Variants in DACH1 observed in about 807,000 individuals in gnomAD.
The protein encoded by DACH1 is dachshund family transcription factor 1, also known as dachshund homolog 1.
Under a neutral mutation model 54.2 loss-of-function variants are expected in DACH1, and 12 were observed. The ratio of observed to expected loss-of-function variants is 0.22; its 90% CI spans 0.14 to 0.36. The LOEUF (loss-of-function observed/expected upper bound fraction) is 0.36. DACH1 is among the 10% of genes least tolerant of loss of function. DACH1 has a pLI of 1.00. For synonymous variants in DACH1, 386 were observed against 366.2 expected (o/e 1.05, Z -0.62); for missense variants, 805 against 929.8 (o/e 0.87, Z 1.75).
At chr13:71,634,932 T>C (rs1877364117) in intron 2 of DACH1, among the ~76,000 whole-genome samples, 1 of 152,238 alleles carries the variant, frequency 6.6e-6, no homozygotes, top group African/African-American at 2.4e-5. Context: ...AAACAGTCTC[T>C]TAAACTCTTT....
chr13:71,716,153 C>T (rs1252559195), intron 1 of DACH1, among the ~76,000 whole-genome samples: 2 of 151,956 alleles, frequency 1.3e-5, no homozygotes, highest in African/African-American at 4.8e-5. Flanking sequence ...AATGTACTTT[C>T]TACTTCTTAG....
At chr13:71,639,685 G>A (rs1243361198) in intron 2 of DACH1, among the ~76,000 whole-genome samples, 3 of 151,916 alleles carry the variant, frequency 2.0e-5, no homozygotes, top group African/African-American at 7.2e-5. Flanking sequence ...CAGAAAGAAG[G>A]AACACCATAG....
chr13:71,859,660 A>G (rs1459745600), intron 1 of DACH1, among the ~76,000 whole-genome samples: 2 of 151,902 alleles, frequency 1.3e-5, no homozygotes, highest in African/African-American at 2.4e-5. Context: ...AATAGGTGTA[A>G]CAAATAAAGT....
chr13:71,563,865 G>C (rs974915530), intron 4 of DACH1, among the ~76,000 whole-genome samples: 2 of 151,572 alleles, frequency 1.3e-5, no homozygotes, highest in African/African-American at 4.8e-5. Flanking sequence ...ATTTATGCAA[G>C]TGTTTATGAT....
At chr13:71,791,500 C>A (rs1225432531) in intron 1 of DACH1, among the ~76,000 whole-genome samples, 4 of 152,128 alleles carry the variant, frequency 2.6e-5, no homozygotes, top group African/African-American at 9.7e-5. Context: ...CCTGTCTCAG[C>A]TTCCCAAGTA....
chr13:71,819,625 T>G (rs1215970982), intron 1 of DACH1, among the ~76,000 whole-genome samples: 1 of 152,158 alleles, frequency 6.6e-6, no homozygotes, highest in African/African-American at 2.4e-5. Context: ...AATAATATAA[T>G]AAGAATGTAC....
chr13:71,855,553 T>G (rs1386170265), intron 1 of DACH1, among the ~76,000 whole-genome samples: 1 of 152,044 alleles, frequency 6.6e-6, no homozygotes, highest in East Asian at 1.9e-4. Context: ...ACCTAAATTC[T>G]TCTTTATTTG....
chr13:71,725,854 G>T (rs1883445601), intron 1 of DACH1, among the ~76,000 whole-genome samples: 1 of 152,092 alleles, frequency 6.6e-6, no homozygotes, highest in African/African-American at 2.4e-5. Context: ...TTAGAAAGCT[G>T]CATGGTTTAT....
intron 2 of DACH1, among the ~76,000 whole-genome samples, chr13:71,657,857 C>G (rs1879233755): frequency 6.6e-6 from 1 of 152,088 alleles, no homozygotes; most frequent in Non-Finnish European, 1.5e-5. Context: ...ATCCTTCCAC[C>G]TTTGCCTCCC....
chr13:71,448,825 T>TG (rs1491125820), intron 10 of DACH1, among the ~76,000 whole-genome samples: 2 of 7,954 alleles, frequency 2.5e-4, no homozygotes, highest in Non-Finnish European at 6.3e-3. Flanking sequence ...GATTCTGTGG[T>TG]TTTTTTTTTT....
chr13:71,786,464 A>G (rs1345187800), intron 1 of DACH1, among the ~76,000 whole-genome samples: 1 of 152,212 alleles, frequency 6.6e-6, no homozygotes, highest in Non-Finnish European at 1.5e-5. Flanking sequence ...TATTTATTGT[A>G]GATCTAATGA....
chr13:71,731,829 G>T (rs1012457583), intron 1 of DACH1, among the ~76,000 whole-genome samples: 1 of 152,168 alleles, frequency 6.6e-6, no homozygotes, highest in Non-Finnish European at 1.5e-5. Flanking sequence ...TTCTTCAGCA[G>T]TTATTTTAAG....
intron 3 of DACH1, among the ~76,000 whole-genome samples, chr13:71,610,601 CA>C (rs1364178039): frequency 6.6e-6 from 1 of 152,058 alleles, no homozygotes; most frequent in African/African-American, 2.4e-5. Flanking sequence ...TAACATAACA[CA>C]AAAACATATC....
rs1380592919 is a variant in DACH1 at position 71,620,692 on chromosome 13, ATTT to A, written c.1126+9861_1126+9863del. ...TGTGATGTTTTGAACTTCAGCTATCATTTTAAGTTAAATATGCTTTCTGAAAAA... is the reference window on the plus strand; with the variant it reads ...TGTGATGTTTTGAACTTCAGCTATCATAAGTTAAATATGCTTTCTGAAAAA... On this transcript the variant is annotated intron_variant, in intron 3 of 10. Transcript: ENST00000613252. Among the ~76,000 whole-genome samples, 5 of 151,980 alleles carry A rather than the reference ATTT, an allele frequency of 3.3e-5. No homozygotes were observed. In the East Asian group the frequency reaches 9.6e-4, roughly 29 times the overall value.
chr13:71,570,130 T>A (rs1464826408), intron 4 of DACH1, among the ~76,000 whole-genome samples: 1 of 152,192 alleles, frequency 6.6e-6, no homozygotes, highest in Non-Finnish European at 1.5e-5. Flanking sequence ...TCAACCAATA[T>A]ATACATTTAG....
At chr13:71,823,662 ATC>A (rs1888277302) in intron 1 of DACH1, among the ~76,000 whole-genome samples, 2 of 152,116 alleles carry the variant, frequency 1.3e-5, no homozygotes, top group African/African-American at 4.8e-5. Flanking sequence ...GATAAAATTT[ATC>A]TGTTTCTTGA....
At chr13:71,539,836 G>A (rs557174666) in intron 6 of DACH1, among the ~76,000 whole-genome samples, 59 of 152,064 alleles carry the variant, frequency 3.9e-4, no homozygotes, top group Non-Finnish European at 7.2e-4. Flanking sequence ...GATGGAACTG[G>A]AAAAGGAAGG....
At chr13:71,629,193 A>T (rs997949320) in intron 3 of DACH1, among the ~76,000 whole-genome samples, 14 of 152,128 alleles carry the variant, frequency 9.2e-5, no homozygotes, top group African/African-American at 3.1e-4. Context: ...ATATGTGTGT[A>T]AACCATGACC....
chr13:71,587,084 T>C (rs1873338221), intron 3 of DACH1, among the ~76,000 whole-genome samples: 1 of 152,126 alleles, frequency 6.6e-6, no homozygotes, highest in South Asian at 2.1e-4. Context: ...TTTCTTTCCA[T>C]AGTTACAAAA....
Sources: gnomAD v4.1 joint callset for allele counts (sites outside exome capture counted in the v4.1 genomes callset) on GRCh38, gnomAD v4.1.1 for gene constraint, MANE v1.5 for transcripts, NCBI Gene and HGNC (gene_info 2026-07-23, HGNC 2026-07-21) for gene names.